The following SAA4 variants were observed in gnomAD, a reference collection of about 807,000 sequenced individuals.
SAA4 encodes serum amyloid A-4 protein.
Under a neutral mutation model 11.2 loss-of-function variants are expected in SAA4, and 8 were observed. The ratio of observed to expected loss-of-function variants is 0.71; its 90% CI spans 0.42 to 1.29. The LOEUF (loss-of-function observed/expected upper bound fraction) is 1.29, where lower values mean the gene tolerates loss of function less well. Among genes scored for constraint, SAA4 ranks in the 50% most tolerant of loss-of-function variants. The pLI is 0.01. For synonymous variants in SAA4, 60 were observed against 56.2 expected (o/e 1.07, Z -0.30); for missense variants, 171 against 164.2 (o/e 1.04, Z -0.23).
intron 2 of SAA4, among the ~76,000 whole-genome samples, chr11:18,233,350 A>C (rs950179732): frequency 6.6e-6 from 1 of 152,172 alleles, no homozygotes; most frequent in African/African-American, 2.4e-5. Flanking sequence ...AGCATATTGG[A>C]ATACTTGATG....
rs1564901185 is a variant in SAA4, at chr11:18,232,379, C to CG, written c.230+15dup. 1 of 1,612,684 alleles carries CG rather than the reference C, an allele frequency of 6.2e-7. No individual in the cohort carries two copies. Among genetic ancestry groups the CG allele is most frequent in the Non-Finnish European group, 8.5e-7 (1 of 1,179,448 alleles). On this transcript the variant is annotated intron_variant, in intron 3 of 3. Coordinates refer to ENST00000278222, the MANE Select transcript of SAA4 (RefSeq NM_006512.4). ...ACTGCTGGCCTCTCACTGGAGTCCCCGGGAATCTGTGTTACCTGATGAGTT... is the reference window on the plus strand; with the variant it reads ...ACTGCTGGCCTCTCACTGGAGTCCCCGGGGAATCTGTGTTACCTGATGAGTT...
In SAA4 at chr11:18,232,441, C is replaced by T; in HGVS notation, c.184G>A (p.Ala62Thr). The part of the protein sequence containing the change: ...RYLYARGNYD[A>T]AQRGPGGVWA... ...ACACCCCCAGGTCCTCTTTGGGCAG[C>T]ATCATAGTTTCCCCGAGCATAGAGA... The change falls in exon 3 of 4, where the codon GCT becomes ACT. Residue 62 changes from alanine to threonine, a missense_variant. Coordinates refer to ENST00000278222, the MANE Select transcript of SAA4 (RefSeq NM_006512.4). The T allele has an allele frequency of 6.2e-7, 1 of 1,614,138 alleles. No homozygotes were observed. Among genetic ancestry groups the T allele is most frequent in the African/African-American group, 1.3e-5 (1 of 75,020 alleles).
At position 18,232,339 on chromosome 11, in the gene SAA4, T is replaced by C. The variant is rs559173390; in HGVS notation, c.230+56A>G. On this transcript the variant is annotated intron_variant, in intron 3 of 3. Transcript: ENST00000278222. ...AAAGAGCCACAGGTTCTCCTGACTC[T>C]CAAGACAGATAGGCACTGCTGGCCT... 8 of 1,594,164 alleles carry C rather than the reference T, an allele frequency of 5.0e-6. No individual in the cohort carries two copies. The South Asian group carries it at 8.0e-5, about 16-fold the overall frequency.
chr11:18,232,708 G>T (rs1485653961), intron 2 of SAA4, among the ~76,000 whole-genome samples, 175 bp from the exon 3 acceptor site: 1 of 152,220 alleles, frequency 6.6e-6, no homozygotes, highest in Non-Finnish European at 1.5e-5. Flanking sequence ...TGTAAGGAAG[G>T]TGCTTTTCCA....
At chr11:18,235,952 G>A (rs771847897) in intron 1 of SAA4, 22 bp from the exon 2 acceptor site, 3 of 1,569,854 alleles carry the variant, frequency 1.9e-6, no homozygotes, top group South Asian at 1.2e-5. Context: ...GAAAGACAGG[G>A]GCAGAGGATC....
At chr11:18,233,363 A>C (rs1480637054) in intron 2 of SAA4, among the ~76,000 whole-genome samples, 1 of 152,210 alleles carries the variant, frequency 6.6e-6, no homozygotes, top group African/African-American at 2.4e-5. Flanking sequence ...ACTTGATGCA[A>C]ATTGGATTCC....
intron 2 of SAA4, among the ~76,000 whole-genome samples, chr11:18,234,947 G>A (rs2134127314): frequency 6.6e-6 from 1 of 152,264 alleles, no homozygotes; most frequent in South Asian, 2.1e-4. Flanking sequence ...ATGAGAAGAG[G>A]CTTCAGAGTG....
chr11:18,236,173 A>G (rs939275749), intron 1 of SAA4, among the ~76,000 whole-genome samples: 15 of 149,472 alleles, frequency 1.0e-4, no homozygotes, highest in Non-Finnish European at 1.9e-4. Context: ...CTCCCACCTC[A>G]GCCTCCTGAG....
chr11:18,236,448 G>C (rs78131167), intron 1 of SAA4, among the ~76,000 whole-genome samples: 1 of 152,128 alleles, frequency 6.6e-6, no homozygotes, highest in Non-Finnish European at 1.5e-5. Context: ...CGGGTTTTAA[G>C]AAGAAGCATA....
chr11:18,231,447 G>A lies in SAA4; in HGVS notation c.*55C>T. 6.3e-7 allele frequency: 1 copy of A among 1,585,372 alleles called. No homozygotes were observed. The highest frequency in any genetic ancestry group is 8.6e-7 in the Non-Finnish European group (1 of 1,167,738). On this transcript the variant is annotated 3_prime_UTR_variant, in exon 4 of 4. Coordinates refer to ENST00000278222, the MANE Select transcript of SAA4 (RefSeq NM_006512.4). ...CAGTGACCCTGTGTCCCTGTCTGGG[G>A]GGAGAAGTGTGTGGCTCACAGCCCA... is the stretch of plus-strand genomic sequence containing the variant.
At chr11:18,235,989 TGAGGACTGAA>T in intron 1 of SAA4, 59 bp from the exon 2 acceptor site, 1 of 1,465,404 alleles carries the variant, frequency 6.8e-7, no homozygotes, top group South Asian at 1.3e-5. Flanking sequence ...ATCTATGTTT[TGAGGACTGAA>T]TTTCTTTCCT....
intron 2 of SAA4, 148 bp from the exon 3 acceptor site, chr11:18,232,681 C>A: frequency 8.1e-7 from 1 of 1,229,162 alleles, no homozygotes. Flanking sequence ...TTCCTGTGAA[C>A]AGCTTCCCTG....
rs751775513 is a variant in SAA4, at chr11:18,231,544, G to T, written c.351C>A (p.Asp117Glu). Residue 117 changes from aspartate to glutamate, a missense_variant, in exon 4 of 4, where the codon GAC (aspartate) becomes GAA (glutamate). By Grantham distance (45) the Asp-to-Glu change is conservative. Transcript: ENST00000278222. ...GGCCGTCAGGTCTGAAGCGGTCGGG[G>T]TCTTTGCCACTCCGGCCCCATTCCT... ...KAEEWGRSGK[D>E]PDRFRPDGLP... The T allele has an allele frequency of 6.2e-7, 1 of 1,614,022 alleles. No homozygotes were observed. The highest frequency in any genetic ancestry group is 1.7e-5 in the Admixed American group (1 of 60,024).
At chr11:18,232,807 A>G (rs1486753481) in intron 2 of SAA4, among the ~76,000 whole-genome samples, 2 of 151,098 alleles carry the variant, frequency 1.3e-5, no homozygotes, top group East Asian at 3.9e-4. Context: ...CAAAGAGGGG[A>G]CGCTCATGTG....
Position 18,231,373 on chromosome 11 carries a change from T to G in SAA4, c.*129A>C. The stretch of plus-strand genomic sequence containing the variant: ...CAACAAATTCAATTTGACAAACATT[T>G]ATTGAACACCTCTAGGTGCCCTATA... On this transcript the variant is annotated 3_prime_UTR_variant, in exon 4 of 4. Transcript: ENST00000278222. 7.3e-7 allele frequency: 1 copy of G among 1,372,694 alleles called. No homozygotes were observed. The allele number at this position is 1,372,694 out of a possible 1,614,324, so 85.0% of individuals were successfully genotyped here.
Position 18,231,465 on chromosome 11 carries a change from A to G in SAA4, c.*37T>C. The G allele has an allele frequency of 1.3e-6, 2 of 1,597,934 alleles. No individual in the cohort carries two copies. The highest frequency in any genetic ancestry group is 2.3e-5 in the South Asian group (2 of 88,426). ...GTCTGGGGGGAGAAGTGTGTGGCTCACAGCCCAGTTTCCCTGAGAGCAGAG... is the reference window on the plus strand; with the variant it reads ...GTCTGGGGGGAGAAGTGTGTGGCTCGCAGCCCAGTTTCCCTGAGAGCAGAG... On this transcript the variant is annotated 3_prime_UTR_variant, in exon 4 of 4. Coordinates refer to ENST00000278222, the MANE Select transcript of SAA4 (RefSeq NM_006512.4).
rs778926107 is a variant in SAA4 at position 18,231,516 on chromosome 11, G to T, written c.379C>A (p.Pro127Thr). Residue 127 changes from proline to threonine, a missense_variant, in exon 4 of 4, where the codon CCT becomes ACT. Transcript: ENST00000278222. ...GAGCAGGAAGCTCAGTATTTCTTAGGCAGGCCGTCAGGTCTGAAGCGGTCG... is the reference window on the plus strand; with the variant it reads ...GAGCAGGAAGCTCAGTATTTCTTAGTCAGGCCGTCAGGTCTGAAGCGGTCG... ...DPDRFRPDGL[P>T]KKY 1.9e-6 allele frequency: 3 copies of T among 1,612,574 alleles called. No homozygotes were observed. In the South Asian group the frequency reaches 3.3e-5, roughly 18 times the overall value.
In SAA4 at chr11:18,231,450, A is replaced by G; in HGVS notation, c.*52T>C. On this transcript the variant is annotated 3_prime_UTR_variant, in exon 4 of 4. Transcript: ENST00000278222. ...TGACCCTGTGTCCCTGTCTGGGGGGAGAAGTGTGTGGCTCACAGCCCAGTT... is the reference window on the plus strand; with the variant it reads ...TGACCCTGTGTCCCTGTCTGGGGGGGGAAGTGTGTGGCTCACAGCCCAGTT... 1 of 1,585,336 alleles carries G rather than the reference A, an allele frequency of 6.3e-7. No individual in the cohort carries two copies.
intron 3 of SAA4, among the ~76,000 whole-genome samples, chr11:18,231,964 C>A (rs560933924): frequency 1.3e-4 from 19 of 150,094 alleles, no homozygotes; most frequent in Non-Finnish European, 2.2e-4. Flanking sequence ...GTCACTGCAG[C>A]CTCGACCTCC....
Sources: allele counts gnomAD v4.1 joint callset (sites outside exome capture counted in the v4.1 genomes callset), GRCh38; gene constraint gnomAD v4.1.1; transcripts MANE v1.5; gene names NCBI Gene and HGNC (gene_info 2026-07-23, HGNC 2026-07-21).